The following RTN4 variants were observed in gnomAD, a reference collection of about 807,000 sequenced individuals.
RTN4 encodes the protein reticulon-4.
RTN4 carries 32 observed loss-of-function variants against 90.4 expected under a neutral mutation model. The ratio of observed to expected loss-of-function variants is 0.35; its 90% CI spans 0.27 to 0.48. RTN4 has a LOEUF of 0.48. Ranked by LOEUF, RTN4 falls within the 20% of genes least tolerant of loss-of-function variation. RTN4 has a pLI of 0.99. For synonymous variants in RTN4, 629 were observed against 552.5 expected (o/e 1.14, Z -1.94); for missense variants, 1,706 against 1,430.2 (o/e 1.19, Z -3.11).
At chr2:54,987,106 G>C (rs757460107) in intron 4 of RTN4, among the ~76,000 whole-genome samples, 1 of 151,888 alleles carries the variant, frequency 6.6e-6, no homozygotes, top group Non-Finnish European at 1.5e-5. Flanking sequence ...GAAAACATCA[G>C]CATACTAGAA....
intron 3 of RTN4, among the ~76,000 whole-genome samples, chr2:55,010,815 CTAA>C (rs1421752080): frequency 7.2e-5 from 11 of 152,100 alleles, no homozygotes; most frequent in African/African-American, 2.7e-4. Flanking sequence ...CTTAATCTTC[CTAA>C]TATCTTTTTT....
intron 1 of RTN4, among the ~76,000 whole-genome samples, chr2:55,033,532 T>C (rs1331666836): frequency 6.6e-6 from 1 of 152,178 alleles, no homozygotes; most frequent in African/African-American, 2.4e-5. Context: ...CGCCTTCTTG[T>C]TTCAGCTCTG....
At chr2:55,111,087 A>C (rs973670858) in intron 1 of RTN4, among the ~76,000 whole-genome samples, 1 of 152,230 alleles carries the variant, frequency 6.6e-6, no homozygotes, top group Non-Finnish European at 1.5e-5. Context: ...ATGGGGGATA[A>C]GGTCTGAAAA....
chr2:55,026,702 G>A lies in RTN4; in HGVS notation c.1397C>T (p.Pro466Leu), dbSNP rs1423589590. The part of the protein sequence containing the change: ...DRSGAYITCA[P>L]FNPAATESIA... ...GCTCTCAGTTGCTGCTGGGTTAAAG[G>A]GAGCACATGTGATATATGCTCCTGA... The change falls in exon 3 of 9, where the codon CCC (proline) becomes CTC (leucine). Residue 466 changes from proline (P) to leucine (L), a missense_variant. Pro to Leu is a moderately conservative substitution (Grantham distance 98, BLOSUM62 -3). Coordinates refer to ENST00000337526, the MANE Select transcript of RTN4 (RefSeq NM_020532.5). The A allele has an allele frequency of 4.3e-6, 7 of 1,613,654 alleles. No homozygotes were observed. Among genetic ancestry groups the A allele is most frequent in the Non-Finnish European group, 5.9e-6 (7 of 1,179,886 alleles).
At chr2:55,014,723 G>A (rs1680904730) in intron 3 of RTN4, among the ~76,000 whole-genome samples, 1 of 152,020 alleles carries the variant, frequency 6.6e-6, no homozygotes, top group African/African-American at 2.4e-5. Context: ...CACCATGTTG[G>A]CCAGGATGGT....
At chr2:55,013,090 G>T (rs1344303838) in intron 3 of RTN4, among the ~76,000 whole-genome samples, 1 of 152,108 alleles carries the variant, frequency 6.6e-6, no homozygotes, top group Non-Finnish European at 1.5e-5. Context: ...TCCCATAAAA[G>T]CAAAGGCTCA....
chr2:55,102,515 G>T (rs1024885071), intron 1 of RTN4, among the ~76,000 whole-genome samples: 1 of 152,008 alleles, frequency 6.6e-6, no homozygotes, highest in African/African-American at 2.4e-5. Flanking sequence ...ATTTTCACAT[G>T]TCATTTTTCT....
intron 5 of RTN4, 151 bp downstream of exon 5, chr2:54,982,364 T>C (rs547284522): frequency 1.7e-4 from 118 of 703,596 alleles, no homozygotes; most frequent in Non-Finnish European, 2.5e-4. Flanking sequence ...CCTTATTTGA[T>C]TGGATTCTGA....
At chr2:55,117,163 C>T (rs144943746), upstream of RTN4, among the ~76,000 whole-genome samples, 613 of 152,224 alleles carry the variant, frequency 4.0e-3, 3 homozygotes, top group African/African-American at 0.014. Flanking sequence ...TGTGAGCCAC[C>T]GCACCCGGCC....
intron 2 of RTN4, among the ~76,000 whole-genome samples, chr2:55,077,012 CTT>C (rs35498029): frequency 0.65 from 88,693 of 137,284 alleles, 30,134 homozygotes; most frequent in East Asian, 0.9. Flanking sequence ...TCAGGCAGTT[CTT>C]TTTTTTTTTT....
intron 2 of RTN4, among the ~76,000 whole-genome samples, chr2:55,065,602 C>T (rs1668375708): frequency 6.6e-6 from 1 of 151,848 alleles, no homozygotes. Context: ...AAGAGCAAAC[C>T]ACTACACACG....
the RTN4 span, among the ~76,000 whole-genome samples, chr2:55,127,929 G>A: frequency 7.0e-6 from 1 of 142,652 alleles, no homozygotes; most frequent in Non-Finnish European, 1.5e-5. Flanking sequence ...TTTTTTTTTT[G>A]GACACAGGGT....
chr2:55,057,590 AC>A (rs2104998488), intron 2 of RTN4, among the ~76,000 whole-genome samples: 1 of 152,310 alleles, frequency 6.6e-6, no homozygotes, highest in Admixed American at 6.5e-5. Context: ...AGCAATTAAG[AC>A]TTGATAAGTC....
chr2:55,018,745 T>C lies in RTN4; in HGVS notation c.3013+6341A>G, dbSNP rs1573393921. ...TGTGAACTCATTTCTTAAGTATGTA[T>C]GTGTATGTGTGTATGTTTATTTTTA... On this transcript the variant is annotated intron_variant, in intron 3 of 8. Coordinates refer to ENST00000337526, the MANE Select transcript of RTN4 (RefSeq NM_020532.5). Among the ~76,000 whole-genome samples the C allele has an allele frequency of 2.0e-5, 3 of 151,498 alleles. No individual in the cohort carries two copies. The South Asian group carries it at 6.2e-4, about 31-fold the overall frequency.
At chr2:54,994,646 C>T (rs1263270647) in intron 3 of RTN4, among the ~76,000 whole-genome samples, 1 of 152,180 alleles carries the variant, frequency 6.6e-6, no homozygotes, top group East Asian at 1.9e-4. Context: ...ATCTTTCCCC[C>T]TAAGACTAGG....
At chr2:55,111,731 C>T (rs1408428716) in intron 1 of RTN4, among the ~76,000 whole-genome samples, 2 of 152,194 alleles carry the variant, frequency 1.3e-5, no homozygotes, top group African/African-American at 2.4e-5. Context: ...GGGCCATGTA[C>T]AGAGTAAGTG....
intron 1 of RTN4, chr2:55,049,011 G>T: frequency 1.4e-6 from 1 of 710,496 alleles, no homozygotes; most frequent in Non-Finnish European, 1.7e-6. Context: ...CCTTTCCCTG[G>T]CTCGGTTTAG....
intron 3 of RTN4, among the ~76,000 whole-genome samples, chr2:54,992,641 G>C (rs1167793832): frequency 6.6e-6 from 1 of 151,278 alleles, no homozygotes; most frequent in African/African-American, 2.4e-5. Context: ...ATAAAATCAG[G>C]GTATATTTAT....
At chr2:55,098,851 C>T (rs1322934010) in intron 1 of RTN4, among the ~76,000 whole-genome samples, 2 of 152,022 alleles carry the variant, frequency 1.3e-5, no homozygotes, top group Non-Finnish European at 2.9e-5. Flanking sequence ...GCCTTCATTC[C>T]CCCAATGTAG....
Sources: allele counts gnomAD v4.1 joint callset (sites outside exome capture counted in the v4.1 genomes callset), GRCh38; gene constraint gnomAD v4.1.1; transcripts MANE v1.5; gene names NCBI Gene and HGNC (gene_info 2026-07-23, HGNC 2026-07-21).